PAPPA2: variants seen among roughly 807,000 people sequenced by gnomAD.
The protein encoded by PAPPA2 is pappalysin-2.
A neutral mutation model predicts 176.4 loss-of-function variants in PAPPA2; 86 were observed. The ratio of observed to expected loss-of-function variants is 0.49; its 90% CI spans 0.41 to 0.58. The LOEUF is 0.58. Ranked by LOEUF, PAPPA2 falls within the 20% of genes least tolerant of loss-of-function variation. The pLI, the probability that PAPPA2 is intolerant of heterozygous loss-of-function variation, is 0.00. For missense variants in PAPPA2, 2,073 were observed against 2,256.9 expected, an observed-to-expected ratio of 0.92 and a Z score of 1.65; for synonymous variants, 809 against 852.2, an observed-to-expected ratio of 0.95 and a Z score of 0.88.
chr1:176,551,608 AATG>A (rs942941425), intron 1 of PAPPA2, among the ~76,000 whole-genome samples: 161 of 152,302 alleles, frequency 1.1e-3, no homozygotes, highest in African/African-American at 3.5e-3. Context: ...TCTTAATAAT[AATG>A]ATGACAAAGC....
chr1:176,551,904 G>T (rs992562748), intron 1 of PAPPA2, among the ~76,000 whole-genome samples: 1 of 152,158 alleles, frequency 6.6e-6, no homozygotes, highest in Non-Finnish European at 1.5e-5. Flanking sequence ...AGAAGGTGGA[G>T]GTGGAAGTTG....
At chr1:176,500,349 A>C (rs1301407979) in intron 1 of PAPPA2, among the ~76,000 whole-genome samples, 1 of 151,788 alleles carries the variant, frequency 6.6e-6, no homozygotes, top group African/African-American at 2.4e-5. Context: ...GGAAAAAGTG[A>C]CTTTAGATAT....
intron 2 of PAPPA2, among the ~76,000 whole-genome samples, chr1:176,574,946 C>G (rs1469185984): frequency 6.6e-6 from 1 of 152,180 alleles, no homozygotes; most frequent in Non-Finnish European, 1.5e-5. Context: ...ACCATATAGC[C>G]TCGGTATGTT....
intron 22 of PAPPA2, among the ~76,000 whole-genome samples, chr1:176,841,872 G>C (rs1667502069): frequency 6.6e-6 from 1 of 152,138 alleles, no homozygotes. Context: ...CAGAGTGCTA[G>C]TCTGTAGCTA....
rs1489104615 is a variant in PAPPA2 at position 176,627,694 on chromosome 1, G to A, written c.1991+32099G>A. 5.3e-5 allele frequency among the ~76,000 whole-genome samples: 8 copies of A among 152,164 alleles called. No individual in the cohort carries two copies. The East Asian group carries it at 1.5e-3, about 29-fold the overall frequency. ...GTGTAGCATGTCAGCTTTAAAATCA[G>A]TCTGTCTAGGGAAGAAACCTATAGA... is the stretch of plus-strand genomic sequence containing the variant. On this transcript the variant is annotated intron_variant, in intron 3 of 22. Coordinates refer to ENST00000367662, the MANE Select transcript of PAPPA2 (RefSeq NM_020318.3).
intron 21 of PAPPA2, among the ~76,000 whole-genome samples, chr1:176,839,409 G>C (rs916369172): frequency 8.5e-5 from 13 of 152,190 alleles, no homozygotes; most frequent in African/African-American, 2.9e-4. Context: ...TCCCATTTTA[G>C]TTCGTGCTGA....
At chr1:176,645,931 C>G (rs1017973922) in intron 3 of PAPPA2, among the ~76,000 whole-genome samples, 1 of 151,396 alleles carries the variant, frequency 6.6e-6, no homozygotes, top group African/African-American at 2.4e-5. Flanking sequence ...GATTTTAAAT[C>G]GGATTATTAT....
chr1:176,779,519 C>CACACACACACACACAG (rs1451138087), intron 17 of PAPPA2, among the ~76,000 whole-genome samples: 1 of 102,538 alleles, frequency 9.8e-6, no homozygotes, highest in African/African-American at 3.4e-5. Context: ...CACACACACA[C>CACACACACACACACAG]AGAGAGAGAG....
chr1:176,542,769 G>A (rs1650429216), intron 1 of PAPPA2, among the ~76,000 whole-genome samples: 1 of 152,198 alleles, frequency 6.6e-6, no homozygotes, highest in Non-Finnish European at 1.5e-5. Flanking sequence ...ATGGGATTTA[G>A]GAAGGGTAAA....
intron 21 of PAPPA2, among the ~76,000 whole-genome samples, chr1:176,806,159 G>A (rs909414634): frequency 1.3e-5 from 2 of 152,108 alleles, no homozygotes; most frequent in Admixed American, 6.6e-5. Context: ...CAATAACTCT[G>A]TCTGAGCCTG....
chr1:176,785,712 G>A (rs1664905442), intron 17 of PAPPA2, among the ~76,000 whole-genome samples: 1 of 152,014 alleles, frequency 6.6e-6, no homozygotes, highest in South Asian at 2.1e-4. Context: ...TCGTTGTCTG[G>A]GTGCCATGAT....
intron 20 of PAPPA2, among the ~76,000 whole-genome samples, chr1:176,796,688 TTTTC>T (rs1219160795): frequency 6.6e-6 from 1 of 151,408 alleles, no homozygotes; most frequent in African/African-American, 2.4e-5. Flanking sequence ...TTTCTTTTTC[TTTTC>T]TTTCTCTCTT....
At chr1:176,801,264 T>C (rs1571347398) in intron 21 of PAPPA2, among the ~76,000 whole-genome samples, 1 of 152,114 alleles carries the variant, frequency 6.6e-6, no homozygotes. Flanking sequence ...TTATGGCTCC[T>C]GTAGGTGCTG....
At chr1:176,498,751 C>CACAAAAA (rs762510082) in intron 1 of PAPPA2, among the ~76,000 whole-genome samples, 37 of 112,110 alleles carry the variant, frequency 3.3e-4, no homozygotes, top group South Asian at 6.0e-4. Context: ...CTCTTACCTC[C>CACAAAAA]AAAAAAAAAA....
At chr1:176,791,172 A>ATT (rs1665157792) in intron 18 of PAPPA2, among the ~76,000 whole-genome samples, 175 bp from the exon 19 acceptor site, 3 of 107,592 alleles carry the variant, frequency 2.8e-5, no homozygotes, top group African/African-American at 1.5e-4. Flanking sequence ...AAAAGCAAAG[A>ATT]ATTTTTTTTT....
At chr1:176,800,985 T>C (rs1023429193) in intron 21 of PAPPA2, among the ~76,000 whole-genome samples, 4 of 152,110 alleles carry the variant, frequency 2.6e-5, no homozygotes, top group African/African-American at 9.7e-5. Context: ...ATTTTAAAAG[T>C]CAACTTTTAA....
In PAPPA2 at chr1:176,725,565, C is replaced by T. The variant is rs188546335; in HGVS notation, c.3798+13584C>T. On this transcript the variant is annotated intron_variant, in intron 12 of 22. Transcript: ENST00000367662. ...AAGACACAAAGTTGTAAGTCATGTGCTACAGATACAGTAAAGTGAAAAATA... is the reference window on the plus strand; with the variant it reads ...AAGACACAAAGTTGTAAGTCATGTGTTACAGATACAGTAAAGTGAAAAATA... Among the ~76,000 whole-genome samples, 77 of 152,232 alleles carry T rather than the reference C, an allele frequency of 5.1e-4. No homozygotes were observed. The East Asian group carries it at 0.015, about 29-fold the overall frequency.
rs989566899 is a variant in PAPPA2, at chr1:176,800,143, C to T, written c.5202+11C>T. On this transcript the variant is annotated intron_variant, in intron 21 of 22. Coordinates refer to ENST00000367662, the MANE Select transcript of PAPPA2 (RefSeq NM_020318.3). ...ATCCAGTCATGTGAGGTAAGATAGCCTCCCCTTCCCCAACTCAGACTAGAG... is the reference window on the plus strand; with the variant it reads ...ATCCAGTCATGTGAGGTAAGATAGCTTCCCCTTCCCCAACTCAGACTAGAG... The T allele has an allele frequency of 3.7e-6, 6 of 1,613,646 alleles. No homozygotes were observed. The highest frequency in any genetic ancestry group is 1.7e-4 in the Middle Eastern group (1 of 6,058).
chr1:176,579,538 G>T (rs1652842741), intron 2 of PAPPA2, among the ~76,000 whole-genome samples: 1 of 152,102 alleles, frequency 6.6e-6, no homozygotes. Context: ...TGGTGTGGAT[G>T]TCAGTCTATA....
Sources: allele counts gnomAD v4.1 joint callset (sites outside exome capture counted in the v4.1 genomes callset), GRCh38; gene constraint gnomAD v4.1.1; transcripts MANE v1.5; gene names NCBI Gene and HGNC (gene_info 2026-07-23, HGNC 2026-07-21).